The following FLT3 variants were observed in gnomAD, a reference collection of about 807,000 sequenced individuals.
FLT3 encodes receptor-type tyrosine-protein kinase FLT3.
Under a neutral mutation model 126.6 loss-of-function variants are expected in FLT3, and 46 were observed. That is an observed-to-expected ratio of 0.36 (90% CI 0.29 to 0.46). The LOEUF is 0.46. Ranked by LOEUF, FLT3 falls within the 20% of genes least tolerant of loss-of-function variation. The pLI, the probability that FLT3 is intolerant of heterozygous loss-of-function variation, is 1.00. For synonymous variants in FLT3, 404 were observed against 434.4 expected (o/e 0.93, Z 0.87); for missense variants, 1,069 against 1,190.3 (o/e 0.90, Z 1.50).
chr13:28,083,713 AGTAT>A (rs1355168505), intron 1 of FLT3, among the ~76,000 whole-genome samples: 4 of 152,212 alleles, frequency 2.6e-5, no homozygotes, highest in East Asian at 1.9e-4. Context: ...AAGCATTGAT[AGTAT>A]GTGTCTTTTA....
In FLT3 at chr13:28,085,946, T is replaced by A. The variant is rs141695119; in HGVS notation, c.43+14522A>T. 9.1e-3 allele frequency among the ~76,000 whole-genome samples: 1,390 copies of A among 152,176 alleles called. 16 individuals are homozygous for A. The highest frequency in any genetic ancestry group is 0.032 in the African/African-American group (1,311 of 41,488). On this transcript the variant is annotated intron_variant, in intron 1 of 23. Coordinates refer to ENST00000241453, the MANE Select transcript of FLT3 (RefSeq NM_004119.3). ...TGGGTAACATGACAAGACCCCTTCT[T>A]TAAATAAAAAATTACATTAAAAAAA...
intron 1 of FLT3, among the ~76,000 whole-genome samples, chr13:28,075,723 TAA>T (rs905193442): frequency 1.2e-5 from 1 of 82,230 alleles, no homozygotes; most frequent in Non-Finnish European, 2.9e-5. Context: ...AGGCTCTGTC[TAA>T]AAAAAAAAAA....
intron 1 of FLT3, among the ~76,000 whole-genome samples, chr13:28,089,469 G>A (rs546493181): frequency 2.0e-5 from 3 of 151,482 alleles, no homozygotes; most frequent in East Asian, 1.9e-4. Flanking sequence ...ATGACCAGTC[G>A]CTGGTTAATG....
chr13:28,047,810 A>C (rs1875036954), intron 9 of FLT3, among the ~76,000 whole-genome samples: 2 of 152,180 alleles, frequency 1.3e-5, no homozygotes, highest in Non-Finnish European at 2.9e-5. Flanking sequence ...CGAGGAAAAC[A>C]ACATTTTCCT....
chr13:28,067,312 C>T (rs4769593), intron 2 of FLT3, among the ~76,000 whole-genome samples: 104,121 of 152,172 alleles, frequency 0.68, 37,571 homozygotes, highest in East Asian at 0.82. Flanking sequence ...CGTGAGCCAC[C>T]GTGCCCAGCC....
intron 1 of FLT3, among the ~76,000 whole-genome samples, chr13:28,098,661 CA>C (rs1566112747): frequency 6.6e-6 from 1 of 152,070 alleles, no homozygotes; most frequent in Non-Finnish European, 1.5e-5. Context: ...ATATATAAAA[CA>C]ATGTTCACAG....
chr13:28,078,380 A>G (rs916920946), intron 1 of FLT3, among the ~76,000 whole-genome samples: 1 of 152,210 alleles, frequency 6.6e-6, no homozygotes, highest in African/African-American at 2.4e-5. Context: ...CGCATGCTGA[A>G]CACCACGTGG....
intron 9 of FLT3, among the ~76,000 whole-genome samples, chr13:28,038,005 G>A (rs1220153273): frequency 6.6e-6 from 1 of 152,158 alleles, no homozygotes; most frequent in Non-Finnish European, 1.5e-5. Flanking sequence ...TGGATCCTTG[G>A]TGCCAAAAAC....
At chr13:28,031,557 C>T (rs1184296735) in intron 15 of FLT3, among the ~76,000 whole-genome samples, 4 of 152,112 alleles carry the variant, frequency 2.6e-5, no homozygotes, top group South Asian at 4.1e-4. Flanking sequence ...ATGGATTCTA[C>T]GGGGGAAAGC....
chr13:28,011,684 C>T (rs1361755030), intron 23 of FLT3, among the ~76,000 whole-genome samples: 6 of 42,792 alleles, frequency 1.4e-4, no homozygotes, highest in Admixed American at 1.1e-3. Context: ...TCCTTCCCTC[C>T]TCCTTCCTTC....
intron 15 of FLT3, among the ~76,000 whole-genome samples, chr13:28,032,368 G>A (rs766551876): frequency 9.2e-5 from 14 of 152,220 alleles, no homozygotes; most frequent in Non-Finnish European, 1.8e-4. Context: ...AACGCAAGGC[G>A]GTCCAGGAGC....
intron 17 of FLT3, chr13:28,025,286 C>T (rs1566064475): frequency 1.3e-5 from 5 of 397,746 alleles, no homozygotes; most frequent in South Asian, 2.1e-5. Flanking sequence ...GGACTCACAT[C>T]GATCTCATTC....
intron 3 of FLT3, among the ~76,000 whole-genome samples, chr13:28,057,910 G>A (rs553621992): frequency 2.6e-5 from 4 of 151,856 alleles, no homozygotes; most frequent in Admixed American, 6.6e-5. Context: ...AATGGCGCAG[G>A]CGCCTGTAAT....
intron 22 of FLT3, 60 bp downstream of exon 22, chr13:28,015,097 G>T (rs1871722238): frequency 1.9e-6 from 2 of 1,046,734 alleles, no homozygotes; most frequent in South Asian, 1.3e-5. Context: ...TCATGCATTT[G>T]GAAGTAGACA....
intron 20 of FLT3, 132 bp from the exon 21 acceptor site, chr13:28,015,833 C>G (rs1359647257): frequency 3.2e-6 from 2 of 629,010 alleles, no homozygotes; most frequent in East Asian, 2.8e-5. Context: ...AAATCACATT[C>G]CTCACGTGAA....
intron 3 of FLT3, among the ~76,000 whole-genome samples, chr13:28,061,353 G>A (rs1027870518): frequency 7.3e-4 from 8 of 11,004 alleles, no homozygotes; most frequent in South Asian, 0.029. Flanking sequence ...GAGATAGTTC[G>A]CATTAGGGTT....
At position 28,058,444 on chromosome 13, in the gene FLT3, G is replaced by A. The variant is rs9943947; in HGVS notation, c.369-982C>T. Among the ~76,000 whole-genome samples the A allele has an allele frequency of 6.8e-4, 103 of 151,770 alleles. 1 individual carries two copies. Among genetic ancestry groups the A allele is most frequent in the African/African-American group, 2.3e-3 (95 of 41,374 alleles). ...GGAGAATTGCTTGAACCCGGGAGGC[G>A]GAGGTTGCGGTGAGCCAAGATCATG... is the stretch of plus-strand genomic sequence containing the variant. On this transcript the variant is annotated intron_variant, in intron 3 of 23. Coordinates refer to ENST00000241453, the MANE Select transcript of FLT3 (RefSeq NM_004119.3).
At chr13:28,050,344 A>C (rs1364072228) in intron 5 of FLT3, 122 bp from the exon 6 acceptor site, 1 of 873,320 alleles carries the variant, frequency 1.1e-6, no homozygotes, top group African/African-American at 1.7e-5. Context: ...AAAGGTCAAA[A>C]GGTAAACAAG....
At chr13:28,019,876 G>C (rs1312418642) in intron 19 of FLT3, among the ~76,000 whole-genome samples, 1 of 152,034 alleles carries the variant, frequency 6.6e-6, no homozygotes, top group Non-Finnish European at 1.5e-5. Flanking sequence ...CTTTGTGCAC[G>C]AGCCTACTCT....
Sources: allele counts gnomAD v4.1 joint callset (sites outside exome capture counted in the v4.1 genomes callset), GRCh38; gene constraint gnomAD v4.1.1; transcripts MANE v1.5; gene names NCBI Gene and HGNC (gene_info 2026-07-23, HGNC 2026-07-21).